The following ABCC2 variants were observed in gnomAD, a reference collection of about 807,000 sequenced individuals.
ABCC2 encodes ATP-binding cassette sub-family C member 2.
In ABCC2, 157 loss-of-function variants were observed where a neutral mutation model predicts 173.4. That is an observed-to-expected ratio of 0.91 (90% CI 0.80 to 1.03). ABCC2 has a LOEUF of 1.03. Ranked by LOEUF, ABCC2 falls within the 50% of genes least tolerant of loss-of-function variation. ABCC2 has a pLI of 0.00. For missense variants in ABCC2, 1,822 were observed against 1,852.3 expected (o/e 0.98, Z 0.30); for synonymous variants, 657 against 693.5 (o/e 0.95, Z 0.83).
intron 19 of ABCC2, among the ~76,000 whole-genome samples, chr10:99,822,382 G>A (rs2038554145): frequency 6.6e-6 from 1 of 151,450 alleles, no homozygotes; most frequent in African/African-American, 2.4e-5. Flanking sequence ...CTGTTCTTCT[G>A]ACGTCACCAT....
intron 6 of ABCC2, among the ~76,000 whole-genome samples, chr10:99,795,427 G>A (rs774599919): frequency 1.9e-4 from 29 of 152,088 alleles, no homozygotes; most frequent in Non-Finnish European, 2.9e-4. Context: ...AGCCTGGCAT[G>A]GTAGCTCATG....
intron 15 of ABCC2, among the ~76,000 whole-genome samples, chr10:99,812,374 C>G (rs780998164): frequency 6.6e-6 from 1 of 152,224 alleles, no homozygotes; most frequent in Non-Finnish European, 1.5e-5. Flanking sequence ...TTCAGAAAGA[C>G]TGTGAACAAG....
In ABCC2 at chr10:99,832,000, T is replaced by C. The variant is rs1242859798; in HGVS notation, c.3127T>C (p.Phe1043Leu). ...AGGTATATTTGTGTTCATAGCACAT[T>C]TCTGGAGTGCCTTTGGTTTCGTCCA... Reference protein sequence around the residue: ...AQGIFVFIAHFWSAFGFVHAS... With the variant: ...AQGIFVFIAHLWSAFGFVHAS... The change falls in exon 23 of 32, where the codon TTC becomes CTC. Residue 1043 changes from phenylalanine to leucine, a missense_variant. Physicochemically the swap from Phe to Leu is conservative, Grantham distance 22. Transcript: ENST00000647814. The C allele has an allele frequency of 8.7e-6, 14 of 1,614,112 alleles. No individual in the cohort carries two copies. The highest frequency in any genetic ancestry group is 1.2e-5 in the Non-Finnish European group (14 of 1,180,034).
intron 17 of ABCC2, 47 bp downstream of exon 17, chr10:99,817,531 AG>A (rs1422876123): frequency 5.0e-6 from 8 of 1,600,590 alleles, no homozygotes; most frequent in Non-Finnish European, 6.8e-6. Context: ...CATATTGAAG[AG>A]AAAAAGTGAG....
intron 24 of ABCC2, among the ~76,000 whole-genome samples, chr10:99,834,808 C>A (rs552720973): frequency 6.6e-6 from 1 of 152,168 alleles, no homozygotes; most frequent in East Asian, 1.9e-4. Context: ...GACAGATTTA[C>A]GTTTGGATCC....
chr10:99,844,125 A>G (rs1468383020), intron 27 of ABCC2, among the ~76,000 whole-genome samples, 197 bp from the exon 28 acceptor site: 2 of 152,196 alleles, frequency 1.3e-5, no homozygotes, highest in Admixed American at 6.5e-5. Context: ...GCACAAGCTC[A>G]TGGTGTATTT....
intron 28 of ABCC2, among the ~76,000 whole-genome samples, chr10:99,844,846 A>T (rs1469497157): frequency 6.6e-6 from 1 of 152,080 alleles, no homozygotes; most frequent in African/African-American, 2.4e-5. Flanking sequence ...AGAATGGCCC[A>T]GTTCTCCTCC....
In ABCC2 at chr10:99,850,731, C is replaced by G. The variant is rs536104796; in HGVS notation, c.4443C>G (p.Asn1481Lys). Residue 1481 changes from asparagine to lysine, a missense_variant, in exon 31 of 32, where the codon AAC becomes AAG. Transcript: ENST00000647814. ...TDNLIQTTIQ[N>K]EFAHCTVITI... ...ACCTCATTCAGACGACCATCCAAAA[C>G]GAGTTCGCCCACTGCACAGTGATCA... 1.2e-6 allele frequency: 2 copies of G among 1,614,194 alleles called. No individual in the cohort carries two copies. The highest frequency in any genetic ancestry group is 4.5e-5 in the East Asian group (2 of 44,880).
At chr10:99,830,195 C>T in intron 19 of ABCC2, 112 bp from the exon 20 acceptor site, 1 of 1,276,254 alleles carries the variant, frequency 7.8e-7, no homozygotes. Flanking sequence ...GTATGTACAT[C>T]TGGGATCCCT....
rs761468521 is a variant in ABCC2 at position 99,784,744 on chromosome 10, A to T, written c.170A>T (p.Lys57Met). 9 of 1,614,028 alleles carry T rather than the reference A, an allele frequency of 5.6e-6. No individual in the cohort carries two copies. The South Asian group carries it at 9.9e-5, about 18-fold the overall frequency. The change falls in exon 2 of 32, where the codon AAG (lysine) becomes ATG (methionine). Residue 57 changes from lysine to methionine, a missense_variant. Physicochemically the swap from Lys to Met is moderately conservative, Grantham distance 95. Transcript: ENST00000647814. ...QLLHVYKSRT[K>M]RSSTTKLYLA... ...CTCCACGTGTATAAATCCAGGACCAAGAGATCCTCTACCACCAAACTCTAT... is the reference window on the plus strand; with the variant it reads ...CTCCACGTGTATAAATCCAGGACCATGAGATCCTCTACCACCAAACTCTAT...
At chr10:99,790,538 C>G (rs963254652) in intron 2 of ABCC2, among the ~76,000 whole-genome samples, 1 of 152,042 alleles carries the variant, frequency 6.6e-6, no homozygotes, top group African/African-American at 2.4e-5. Flanking sequence ...TTTTCCCTGG[C>G]CTGGGGAATA....
chr10:99,831,908 A>C, intron 22 of ABCC2, 69 bp from the exon 23 acceptor site: 1 of 1,613,528 alleles, frequency 6.2e-7, no homozygotes, highest in Non-Finnish European at 8.5e-7. Context: ...TGCATTTGCC[A>C]TTATGTCCTG....
At chr10:99,812,886 C>A in intron 15 of ABCC2, 132 bp from the exon 16 acceptor site, 1 of 1,222,040 alleles carries the variant, frequency 8.2e-7, no homozygotes, top group Non-Finnish European at 1.2e-6. Flanking sequence ...TCTTGTATAT[C>A]CAAGGCAAAT....
At chr10:99,782,922 G>A (rs762529035) in intron 1 of ABCC2, 45 bp downstream of exon 1, 5 of 1,602,694 alleles carry the variant, frequency 3.1e-6, no homozygotes, top group Non-Finnish European at 4.3e-6. Flanking sequence ...CTCAGACTCA[G>A]AACAAGTGGT....
rs1283307081 is a variant in ABCC2, at chr10:99,794,486, A to T, written c.632+18A>T. 6.2e-7 allele frequency: 1 copy of T among 1,604,322 alleles called. No individual in the cohort carries two copies. Among genetic ancestry groups the T allele is most frequent in the Non-Finnish European group, 8.5e-7 (1 of 1,171,140 alleles). On this transcript the variant is annotated intron_variant, in intron 6 of 31. Transcript: ENST00000647814. ...TATGACAGGTAGGAAAGCCTGGAGT[A>T]TGGATTGGCTGTATCCTTACTCTCT...
intron 14 of ABCC2, 145 bp from the exon 15 acceptor site, chr10:99,811,391 A>G: frequency 1.3e-6 from 1 of 793,850 alleles, no homozygotes; most frequent in Non-Finnish European, 2.2e-6. Context: ...ATTCTAGGAG[A>G]TTTCATTCAC....
Position 99,851,766 on chromosome 10 carries a change from A to G in ABCC2, c.*135A>G. On this transcript the variant is annotated 3_prime_UTR_variant, in exon 32 of 32. Transcript: ENST00000647814. ...AAAAAGGATAAGTGAACACCCATGA[A>G]CCTACTACCCAGGTTAAGAAAATAA... is the stretch of plus-strand genomic sequence containing the variant. The G allele has an allele frequency of 1.1e-6, 1 of 869,654 alleles. No individual in the cohort carries two copies. The highest frequency in any genetic ancestry group is 1.9e-5 in the South Asian group (1 of 52,072). 53.9% of individuals were successfully genotyped at this position (869,654 alleles called of 1,614,324 possible).
intron 19 of ABCC2, among the ~76,000 whole-genome samples, chr10:99,827,595 C>A (rs953771306): frequency 3.3e-5 from 5 of 151,886 alleles, no homozygotes; most frequent in African/African-American, 7.3e-5. Context: ...AATGATATTA[C>A]CCTTCCTACC....
At chr10:99,805,205 C>T (rs373960214) in intron 10 of ABCC2, among the ~76,000 whole-genome samples, 177 bp from the exon 11 acceptor site, 50 of 152,120 alleles carry the variant, frequency 3.3e-4, no homozygotes, top group East Asian at 2.7e-3. Context: ...AAGATGGGTG[C>T]GGCAGGAGCA....
Sources: gnomAD v4.1 joint callset for allele counts (sites outside exome capture counted in the v4.1 genomes callset) on GRCh38, gnomAD v4.1.1 for gene constraint, MANE v1.5 for transcripts, NCBI Gene and HGNC (gene_info 2026-07-23, HGNC 2026-07-21) for gene names.